Variants in KRT73 observed in about 807,000 individuals in gnomAD.
KRT73 encodes the protein keratin, type II cytoskeletal 73.
A neutral mutation model predicts 47.2 loss-of-function variants in KRT73; 44 were observed. The observed-to-expected ratio is 0.93, with a 90% CI of 0.73 to 1.20. The LOEUF (loss-of-function observed/expected upper bound fraction) is 1.20, where lower values mean the gene tolerates loss of function less well. Ranked by LOEUF, KRT73 falls within the 50% of genes most tolerant of loss-of-function variation. The probability of loss-of-function intolerance (pLI) is 0.00; values close to 1 mark genes in which losing one functional copy is unlikely to be tolerated. For synonymous variants in KRT73, 285 were observed against 291.3 expected (o/e 0.98, Z 0.22); for missense variants, 713 against 704.5 (o/e 1.01, Z -0.14).
rs536967236 is a variant in KRT73 at position 52,617,100 on chromosome 12, G to A, written c.448-720C>T. ...CCTTCTTTACTCATACAGTGATGTC[G>A]TAAACCGAAGGTCTCCCATTCCCCA... On this transcript the variant is annotated intron_variant, in intron 1 of 8. Coordinates refer to ENST00000305748, the MANE Select transcript of KRT73 (RefSeq NM_175068.3). Among the ~76,000 whole-genome samples, 11 of 152,070 alleles carry A rather than the reference G, an allele frequency of 7.2e-5. No individual in the cohort carries two copies. In the East Asian group the frequency reaches 7.7e-4, roughly 11 times the overall value.
upstream of KRT73, among the ~76,000 whole-genome samples, chr12:52,620,704 C>G (rs557055934): frequency 3.9e-5 from 6 of 152,154 alleles, no homozygotes; most frequent in African/African-American, 1.4e-4. Context: ...CACTTCCCCT[C>G]CCCTCCCTGG....
Position 52,608,955 on chromosome 12 carries a change from C to T in KRT73, c.1366+292G>A, listed in dbSNP as rs368658617. Among the ~76,000 whole-genome samples the T allele has an allele frequency of 1.6e-4, 25 of 152,198 alleles. No individual in the cohort carries two copies. In the South Asian group the frequency reaches 4.2e-3, roughly 25 times the overall value. ...CTCAGTTTCCTTCATGCAGGAGAGC[C>T]GGTGTGGGGGTGACAGAAGAGGGGA... On this transcript the variant is annotated intron_variant, in intron 8 of 8. Coordinates refer to ENST00000305748, the MANE Select transcript of KRT73 (RefSeq NM_175068.3).
rs757103261 is a variant in KRT73 at position 52,616,164 on chromosome 12, A to T, written c.662+2T>A. On this transcript the variant is annotated splice_donor_variant, in intron 2 of 8. Coordinates refer to ENST00000305748, the MANE Select transcript of KRT73 (RefSeq NM_175068.3). LOFTEE classifies it high-confidence loss of function. ...ACCAGCCTGGAGTGGCGTCCTGCTC[A>T]CCTCTTCTTGTAGTCCTCCACCACT... The T allele has an allele frequency of 5.0e-6, 8 of 1,613,836 alleles. No individual in the cohort carries two copies. Among genetic ancestry groups the T allele is most frequent in the Non-Finnish European group, 6.8e-6 (8 of 1,179,882 alleles).
rs1469182630 is a variant in KRT73, at chr12:52,613,701, A to G, written c.971T>C (p.Leu324Pro). The G allele has an allele frequency of 7.4e-6, 12 of 1,614,058 alleles. No individual in the cohort carries two copies. Among genetic ancestry groups the G allele is most frequent in the Admixed American group, 5.0e-5 (3 of 60,006 alleles). The change falls in exon 5 of 9, where the codon CTG (leucine) becomes CCG (proline). Residue 324 changes from leucine (L) to proline (P), a missense_variant. Transcript: ENST00000305748. ...TTGCGGCCTCACCTTGGTCTGGTAC[A>G]GGGCCTCGGCCTCGGCCTTGCTCTT... ...ARKSKAEAEALYQTKFQELQL... is the reference protein window; with the variant it reads ...ARKSKAEAEAPYQTKFQELQL...
intron 7 of KRT73, chr12:52,610,265 G>A (rs955248183): frequency 8.6e-5 from 25 of 291,610 alleles, no homozygotes; most frequent in Non-Finnish European, 1.1e-4. Context: ...TAGTAGAGAC[G>A]AGGTTTCTCC....
At chr12:52,622,278 A>G (rs1274740988), upstream of KRT73, among the ~76,000 whole-genome samples, 2 of 130,496 alleles carry the variant, frequency 1.5e-5, no homozygotes, top group African/African-American at 7.0e-5. Flanking sequence ...GACAGTTTCA[A>G]CAAAGAAATT....
In KRT73 at chr12:52,611,189, T is replaced by G; in HGVS notation, c.1110+15A>C. 6.2e-7 allele frequency: 1 copy of G among 1,614,034 alleles called. No individual in the cohort carries two copies. Among genetic ancestry groups the G allele is most frequent in the Non-Finnish European group, 8.5e-7 (1 of 1,179,968 alleles). ...TCCCTTAGGAGTGAGTAAGGAAGGC[T>G]CCAGTCCCCTTCACCTGCTTCTTCA... On this transcript the variant is annotated intron_variant, in intron 6 of 8. Transcript: ENST00000305748.
chr12:52,617,115 C>A lies in KRT73; in HGVS notation c.448-735G>T, dbSNP rs140787147. Among the ~76,000 whole-genome samples, 927 of 152,270 alleles carry A rather than the reference C, an allele frequency of 6.1e-3. 11 individuals are homozygous for A. Among genetic ancestry groups the A allele is most frequent in the Middle Eastern group, 0.027 (8 of 294 alleles). Reference sequence around the variant, plus strand: ...CAGTGATGTCGTAAACCGAAGGTCTCCCATTCCCCAGACAAGTTCTACCAT... The same window carrying A: ...CAGTGATGTCGTAAACCGAAGGTCTACCATTCCCCAGACAAGTTCTACCAT... On this transcript the variant is annotated intron_variant, in intron 1 of 8. Coordinates refer to ENST00000305748, the MANE Select transcript of KRT73 (RefSeq NM_175068.3).
chr12:52,615,483 A>C, intron 2 of KRT73, 144 bp from the exon 3 acceptor site: 1 of 611,634 alleles, frequency 1.6e-6, no homozygotes. Context: ...ATCCCAACAC[A>C]CCAGGACTAT....
upstream of KRT73, among the ~76,000 whole-genome samples, chr12:52,619,723 G>T (rs923837600): frequency 6.6e-6 from 1 of 152,172 alleles, no homozygotes; most frequent in Non-Finnish European, 1.5e-5. Flanking sequence ...TTTTGGAGAT[G>T]GGGAGGTAGG....
At position 52,618,470 on chromosome 12, in the gene KRT73, C is replaced by G. The variant is rs1410096583; in HGVS notation, c.55G>C (p.Gly19Arg). ...SGAAAKGGFS[G>R]CSAVLSGGSS... The stretch of plus-strand genomic sequence containing the variant: ...CCCCCTGAGAGCACAGCGGAGCAGC[C>G]GCTGAAGCCCCCCTTGGCAGCAGCT... The change falls in exon 1 of 9, where the codon GGC (glycine) becomes CGC (arginine). Residue 19 changes from glycine (G) to arginine (R), a missense_variant. Physicochemically the swap from Gly to Arg is moderately radical, Grantham distance 125 (BLOSUM62 -2). Transcript: ENST00000305748. 14 of 1,612,738 alleles carry G rather than the reference C, an allele frequency of 8.7e-6. No individual in the cohort carries two copies. Among genetic ancestry groups the G allele is most frequent in the Non-Finnish European group, 1.1e-5 (13 of 1,179,434 alleles).
intron 5 of KRT73, chr12:52,612,779 C>T (rs546589660): frequency 1.3e-5 from 2 of 152,336 alleles, no homozygotes; most frequent in East Asian, 3.9e-4. Context: ...AATTTGAAGT[C>T]AGTCACCTAG....
upstream of KRT73, among the ~76,000 whole-genome samples, chr12:52,620,558 C>T (rs916150541): frequency 3.3e-5 from 5 of 152,214 alleles, no homozygotes; most frequent in Non-Finnish European, 7.3e-5. Context: ...TTCAGGCCTG[C>T]ATCTCAGCAA....
chr12:52,618,228 G>A lies in KRT73; in HGVS notation c.297C>T (p.Cys99=). The change falls in exon 1 of 9, where the codon TGC becomes TGT. Residue 99 remains cysteine, a synonymous_variant. Coordinates refer to ENST00000305748, the MANE Select transcript of KRT73 (RefSeq NM_175068.3). ...VALGSVCPSL[C]PPGGIHQVTI... is the part of the protein sequence containing the mutation. ...TGACCTGATGGATACCCCCGGGCGG[G>A]CACAACGACGGACACACGGACCCCA... is the stretch of plus-strand genomic sequence containing the variant. The A allele has an allele frequency of 1.9e-6, 3 of 1,614,134 alleles. No homozygotes were observed. The highest frequency in any genetic ancestry group is 2.5e-6 in the Non-Finnish European group (3 of 1,180,014).
chr12:52,611,662 G>A (rs1340326536), intron 5 of KRT73, among the ~76,000 whole-genome samples: 1 of 152,052 alleles, frequency 6.6e-6, no homozygotes, highest in Non-Finnish European at 1.5e-5. Context: ...ACTCTTACAT[G>A]GCATCCAGGG....
In KRT73 at chr12:52,618,199, A is replaced by T. The variant is rs1404350330; in HGVS notation, c.326T>A (p.Ile109Asn). 2 of 1,613,948 alleles carry T rather than the reference A, an allele frequency of 1.2e-6. No homozygotes were observed. Among genetic ancestry groups the T allele is most frequent in the African/African-American group, 1.3e-5 (1 of 74,904 alleles). Reference protein sequence around the residue: ...CPPGGIHQVTINKSLLAPLNV... With the variant: ...CPPGGIHQVTNNKSLLAPLNV... The stretch of plus-strand genomic sequence containing the variant: ...CAGGGGTGCCAGGAGGCTCTTGTTG[A>T]TGGTGACCTGATGGATACCCCCGGG... Residue 109 changes from isoleucine to asparagine, a missense_variant, in exon 1 of 9, where the codon ATC (isoleucine) becomes AAC (asparagine). Physicochemically the swap from Ile to Asn is moderately radical, Grantham distance 149. Coordinates refer to ENST00000305748, the MANE Select transcript of KRT73 (RefSeq NM_175068.3).
chr12:52,611,275 TG>T lies in KRT73; in HGVS notation c.1038del (p.Asn348MetfsTer6), dbSNP rs775819797. 1.9e-6 allele frequency: 3 copies of T among 1,614,152 alleles called. No individual in the cohort carries two copies. In the East Asian group the frequency reaches 6.7e-5, roughly 36 times the overall value. On this transcript the variant is annotated frameshift_variant, in exon 6 of 9. Coordinates refer to ENST00000305748, the MANE Select transcript of KRT73 (RefSeq NM_175068.3). LOFTEE classifies it high-confidence loss of function. ...CGGGTCAGCTCTGAGATCTCATTTT[TG>T]GTGTGTTTCAGGTCATCCCCATGCC... Reference protein sequence around the residue: ...AGRHGDDLKHTKNEISELTRL... With the variant: ...AGRHGDDLKHXKNEISELTRL...
At position 52,615,196 on chromosome 12, in the gene KRT73, G is replaced by C. The variant is rs564200448; in HGVS notation, c.723+83C>G. The C allele has an allele frequency of 3.6e-4, 438 of 1,207,084 alleles. 1 individual carries two copies. The highest frequency in any genetic ancestry group is 2.6e-3 in the South Asian group (185 of 72,088). 74.8% of individuals were successfully genotyped at this position (1,207,084 alleles called of 1,614,324 possible). On this transcript the variant is annotated intron_variant, in intron 3 of 8. Coordinates refer to ENST00000305748, the MANE Select transcript of KRT73 (RefSeq NM_175068.3). ...ACTTTGGCTCCAGGCCCTTCTGCGG[G>C]GGGCTCAGACCTCAGCTGCTCCTCT...
In KRT73 at chr12:52,613,742, A is replaced by T. The variant is rs1464050043; in HGVS notation, c.930T>A (p.Tyr310Ter). The part of the protein sequence containing the change: ...DSIIAEVRAQ[Y>*]EEIARKSKAE... ...CCTTGCTCTTCCGGGCGATCTCCTC[A>T]TACTGGGCACGGACCTCAGCAATGA... is the stretch of plus-strand genomic sequence containing the variant. The change falls in exon 5 of 9, where the codon TAT becomes TAA. Residue 310 changes from tyrosine (Y) to a stop codon, truncating the protein, a stop_gained. Coordinates refer to ENST00000305748, the MANE Select transcript of KRT73 (RefSeq NM_175068.3). LOFTEE classifies it high-confidence loss of function. 7 of 1,614,042 alleles carry T rather than the reference A, an allele frequency of 4.3e-6. No homozygotes were observed. The highest frequency in any genetic ancestry group is 2.7e-5 in the African/African-American group (2 of 74,914).
Sources: allele counts gnomAD v4.1 joint callset (sites outside exome capture counted in the v4.1 genomes callset), GRCh38; gene constraint gnomAD v4.1.1; transcripts MANE v1.5; gene names NCBI Gene and HGNC (gene_info 2026-07-23, HGNC 2026-07-21).